SLC43A1: variants seen among roughly 807,000 people sequenced by gnomAD.
SLC43A1 encodes the protein solute carrier family 43 member 1, also known as large neutral amino acids transporter small subunit 3.
A neutral mutation model predicts 59.5 loss-of-function variants in SLC43A1; 31 were observed. The observed-to-expected ratio is 0.52, with a 90% CI of 0.39 to 0.70. The LOEUF is 0.70. Ranked by LOEUF, SLC43A1 falls within the 30% of genes least tolerant of loss-of-function variation. SLC43A1 has a pLI of 0.00. For synonymous variants in SLC43A1, 259 were observed against 290.9 expected (o/e 0.89, Z 1.12); for missense variants, 598 against 717.8 (o/e 0.83, Z 1.91).
intron 2 of SLC43A1, among the ~76,000 whole-genome samples, chr11:57,511,193 G>A (rs1590784643): frequency 6.6e-6 from 1 of 152,126 alleles, no homozygotes; most frequent in Admixed American, 6.5e-5. Context: ...GGAGGCCCAG[G>A]AGGGAGGATC....
chr11:57,496,235 C>A, intron 6 of SLC43A1, 71 bp from the exon 7 acceptor site: 2 of 1,549,370 alleles, frequency 1.3e-6, no homozygotes, highest in Non-Finnish European at 8.7e-7. Flanking sequence ...AGATCCCAGG[C>A]CTCAGAGGCC....
rs758413421 is a variant in SLC43A1 at position 57,488,445 on chromosome 11, C to T, written c.1409+471G>A. On this transcript the variant is annotated intron_variant, in intron 13 of 14. Coordinates refer to ENST00000278426, the MANE Select transcript of SLC43A1 (RefSeq NM_003627.6). ...GGATCCTGCCTGCTGCCTGCACCAACGGAGCACTTGATAATGGTTGTCATT... is the reference window on the plus strand; with the variant it reads ...GGATCCTGCCTGCTGCCTGCACCAATGGAGCACTTGATAATGGTTGTCATT... Among the ~76,000 whole-genome samples the T allele has an allele frequency of 3.9e-5, 6 of 152,282 alleles. No individual in the cohort carries two copies. The South Asian group carries it at 8.3e-4, about 21-fold the overall frequency.
Position 57,514,949 on chromosome 11 carries a change from A to C in SLC43A1, c.-14+495T>G. The stretch of plus-strand genomic sequence containing the variant: ...GTGTGTTTACCAAAGGGAGGGAAAG[A>C]GCCCCAGCTCCCCCCGCCGCGGCCG... On this transcript the variant is annotated intron_variant, in intron 1 of 14. Transcript: ENST00000278426. This position sits in a 1 kb window ranked among gnomAD's most constrained non-coding sequence, Gnocchi z 5.5. The C allele has an allele frequency of 1.0e-6, 1 of 969,666 alleles. No individual in the cohort carries two copies. 60.1% of individuals were successfully genotyped at this position (969,666 alleles called of 1,614,324 possible).
At chr11:57,491,430 C>T (rs1013312440) in intron 10 of SLC43A1, 68 bp from the exon 11 acceptor site, 46 of 1,557,364 alleles carry the variant, frequency 3.0e-5, no homozygotes, top group African/African-American at 1.6e-4. Flanking sequence ...CCCCTTCCAG[C>T]GGAGGCCAGA....
At chr11:57,511,572 G>A (rs1363766475) in intron 2 of SLC43A1, among the ~76,000 whole-genome samples, 2 of 152,110 alleles carry the variant, frequency 1.3e-5, no homozygotes, top group African/African-American at 4.8e-5. Context: ...CTTGAAATAA[G>A]CTTGGATTAC....
chr11:57,508,263 T>C (rs1944437633), intron 2 of SLC43A1, among the ~76,000 whole-genome samples: 1 of 97,452 alleles, frequency 1.0e-5, no homozygotes, highest in South Asian at 4.5e-4. Context: ...CGAGATTCCA[T>C]CTCCAAAAAA....
At chr11:57,491,663 C>G in intron 9 of SLC43A1, 37 bp from the exon 10 acceptor site, 2 of 1,614,156 alleles carry the variant, frequency 1.2e-6, no homozygotes, top group Non-Finnish European at 1.7e-6. Flanking sequence ...GGGAGCTCAG[C>G]CAGGGTGACC....
At position 57,514,172 on chromosome 11, in the gene SLC43A1, G is replaced by T; in HGVS notation, c.-13-48C>A. The T allele has an allele frequency of 6.6e-7, 1 of 1,513,832 alleles. No individual in the cohort carries two copies. The highest frequency in any genetic ancestry group is 8.8e-7 in the Non-Finnish European group (1 of 1,138,648). 93.8% of individuals were successfully genotyped at this position (1,513,832 alleles called of 1,614,324 possible). A position where few individuals can be genotyped will look rare whatever the true frequency, so the allele number is the denominator to read the frequency against. ...GTGAAGGGCCCCCCAGTGGCCCCAGGGAAGGGTCCTGCATCATGGTGGCAC... is the reference window on the plus strand; with the variant it reads ...GTGAAGGGCCCCCCAGTGGCCCCAGTGAAGGGTCCTGCATCATGGTGGCAC... On this transcript the variant is annotated intron_variant, in intron 1 of 14. Coordinates refer to ENST00000278426, the MANE Select transcript of SLC43A1 (RefSeq NM_003627.6). The surrounding 1 kb of genome is among the most constrained non-coding windows in gnomAD (Gnocchi z 5.5).
intron 11 of SLC43A1, among the ~76,000 whole-genome samples, chr11:57,490,419 T>C (rs962523380): frequency 1.3e-5 from 2 of 152,036 alleles, no homozygotes; most frequent in African/African-American, 4.8e-5. Flanking sequence ...CCACAGTATA[T>C]CAGGGTTGCT....
intron 8 of SLC43A1, among the ~76,000 whole-genome samples, chr11:57,492,913 G>A (rs537207875): frequency 2.0e-5 from 3 of 151,202 alleles, no homozygotes; most frequent in Non-Finnish European, 2.9e-5. Context: ...GGTGGTGCAC[G>A]CCTGTAGTCC....
At chr11:57,491,413 A>G (rs746706004) in intron 10 of SLC43A1, 51 bp from the exon 11 acceptor site, 13 of 1,559,676 alleles carry the variant, frequency 8.3e-6, no homozygotes, top group Non-Finnish European at 1.1e-5. Flanking sequence ...CTCAGTGGAC[A>G]CTATCACCCC....
chr11:57,492,698 C>T (rs1943965162), intron 8 of SLC43A1, among the ~76,000 whole-genome samples: 1 of 134,260 alleles, frequency 7.4e-6, no homozygotes, highest in African/African-American at 2.8e-5. Context: ...CTACCGCACT[C>T]CAGCCCAGGC....
chr11:57,485,000 T>C lies in SLC43A1; in HGVS notation c.*96A>G. 2.3e-6 allele frequency: 3 copies of C among 1,324,944 alleles called. No individual in the cohort carries two copies. Among genetic ancestry groups the C allele is most frequent in the Non-Finnish European group, 3.1e-6 (3 of 976,450 alleles). The allele number at this position is 1,324,944 out of a possible 1,614,324, so 82.1% of individuals were successfully genotyped here. On this transcript the variant is annotated 3_prime_UTR_variant, in exon 15 of 15. Transcript: ENST00000278426. ...ATTTATAAATCTACGGCCATGGCTCTATGTGCATGTTACAGGTAGAAAAGC... is the reference window on the plus strand; with the variant it reads ...ATTTATAAATCTACGGCCATGGCTCCATGTGCATGTTACAGGTAGAAAAGC...
At position 57,485,203 on chromosome 11, in the gene SLC43A1, G is replaced by C; in HGVS notation, c.1573C>G (p.Leu525Val). 6.2e-7 allele frequency: 1 copy of C among 1,613,908 alleles called. No individual in the cohort carries two copies. Among genetic ancestry groups the C allele is most frequent in the Non-Finnish European group, 8.5e-7 (1 of 1,179,918 alleles). Residue 525 changes from leucine (L) to valine (V), a missense_variant, in exon 15 of 15, where the codon CTG (leucine) becomes GTG (valine). By Grantham distance (32) the Leu-to-Val change is conservative (BLOSUM62 1). Transcript: ENST00000278426. ...GLLLFSLLGF[L>V]LPSYLFYYRA... is the part of the protein sequence containing the mutation. ...TAATAGAAGAGGTAGGAAGGCAACA[G>C]GAATCCCAGGAGTGAGAATAGCAGG...
chr11:57,489,429 C>T (rs368596785), intron 11 of SLC43A1, 37 bp from the exon 12 acceptor site: 32 of 1,610,702 alleles, frequency 2.0e-5, no homozygotes, highest in South Asian at 1.5e-4. Context: ...GCTGCCTCTA[C>T]GTTCCCAGGA....
At chr11:57,494,346 A>G in intron 7 of SLC43A1, 175 bp from the exon 8 acceptor site, 2 of 602,378 alleles carry the variant, frequency 3.3e-6, no homozygotes, top group Non-Finnish European at 5.6e-6. Context: ...TGGCTCAGGG[A>G]CCAGCTTAGC....
At chr11:57,496,682 G>C (rs921641863) in intron 6 of SLC43A1, among the ~76,000 whole-genome samples, 7 of 152,136 alleles carry the variant, frequency 4.6e-5, no homozygotes, top group Non-Finnish European at 1.0e-4. Context: ...TGCAACAACT[G>C]GGGGGGTTGG....
chr11:57,487,068 T>TC, intron 14 of SLC43A1, 27 bp downstream of exon 14: 9 of 1,609,380 alleles, frequency 5.6e-6, no homozygotes, highest in Non-Finnish European at 6.8e-6. Context: ...TGGCTCCTGC[T>TC]CCCCCCACAC....
intron 12 of SLC43A1, 85 bp downstream of exon 12, chr11:57,489,166 G>A (rs959991832): frequency 1.4e-5 from 22 of 1,526,658 alleles, no homozygotes; most frequent in Admixed American, 5.1e-5. Context: ...CCAGAACTGC[G>A]CTTCCTGGAA....
Sources: gnomAD v4.1 joint callset for allele counts (sites outside exome capture counted in the v4.1 genomes callset) on GRCh38, gnomAD v4.1.1 for gene constraint, Gnocchi (gnomAD v3.1) non-coding constraint, MANE v1.5 for transcripts, NCBI Gene and HGNC (gene_info 2026-07-23, HGNC 2026-07-21) for gene names.